COL23A1: variants seen among roughly 807,000 people sequenced by gnomAD.
COL23A1 encodes the protein collagen type XXIII alpha 1 chain, also known as collagen alpha-1(XXIII) chain.
Under a neutral mutation model 99.3 loss-of-function variants are expected in COL23A1, and 97 were observed. That is an observed-to-expected ratio of 0.98 (90% CI 0.83 to 1.16). COL23A1 has a LOEUF of 1.16. COL23A1 is among the 50% of genes most tolerant of loss of function. COL23A1 has a pLI of 0.00. For missense variants in COL23A1, 762 were observed against 757.4 expected (o/e 1.01, Z -0.07); for synonymous variants, 320 against 308.2 (o/e 1.04, Z -0.40).
intron 2 of COL23A1, among the ~76,000 whole-genome samples, chr5:178,400,889 C>T (rs1261057107): frequency 1.3e-5 from 2 of 152,190 alleles, no homozygotes; most frequent in Non-Finnish European, 2.9e-5. Context: ...CCACTGGCCT[C>T]GGCCTCCCAA....
At chr5:178,460,559 GCT>G (rs903884785) in intron 2 of COL23A1, among the ~76,000 whole-genome samples, 8 of 152,206 alleles carry the variant, frequency 5.3e-5, no homozygotes, top group African/African-American at 1.9e-4. Flanking sequence ...TCCTGGTGTG[GCT>G]CTCTCCTCTT....
chr5:178,360,026 C>T (rs952132725), intron 2 of COL23A1, among the ~76,000 whole-genome samples: 1 of 152,142 alleles, frequency 6.6e-6, no homozygotes, highest in South Asian at 2.1e-4. Context: ...AGCAGCCGCT[C>T]GCATCATAGG....
chr5:178,373,024 G>T (rs894819666), intron 2 of COL23A1, among the ~76,000 whole-genome samples: 6 of 149,618 alleles, frequency 4.0e-5, no homozygotes, highest in African/African-American at 1.2e-4. Context: ...CATCTCCCAG[G>T]TTCAAGCGAT....
intron 2 of COL23A1, among the ~76,000 whole-genome samples, chr5:178,437,585 A>G (rs1476762784): frequency 6.6e-6 from 1 of 152,172 alleles, no homozygotes; most frequent in Non-Finnish European, 1.5e-5. Context: ...TGGCCTGCCC[A>G]GGGGTCAGTC....
At chr5:178,435,285 C>A (rs1303700691) in intron 2 of COL23A1, among the ~76,000 whole-genome samples, 1 of 152,186 alleles carries the variant, frequency 6.6e-6, no homozygotes, top group African/African-American at 2.4e-5. Flanking sequence ...TCATTCCCAG[C>A]TGAACGGGAC....
At chr5:178,457,798 A>G (rs574361313) in intron 2 of COL23A1, among the ~76,000 whole-genome samples, 1 of 152,354 alleles carries the variant, frequency 6.6e-6, no homozygotes, top group African/African-American at 2.4e-5. Context: ...CAGGATTTTC[A>G]GCCAGAGTAA....
At chr5:178,294,917 G>A (rs566172874) in intron 3 of COL23A1, among the ~76,000 whole-genome samples, 12 of 152,270 alleles carry the variant, frequency 7.9e-5, no homozygotes, top group East Asian at 7.7e-4. Flanking sequence ...CGAGGCAGGC[G>A]GATCACTTGA....
intron 2 of COL23A1, among the ~76,000 whole-genome samples, chr5:178,471,880 C>A (rs971534812): frequency 1.3e-5 from 2 of 152,292 alleles, no homozygotes; most frequent in Non-Finnish European, 1.5e-5. Flanking sequence ...CCTTCCACCC[C>A]CTGACTGACT....
intron 5 of COL23A1, 112 bp from the exon 6 acceptor site, chr5:178,270,475 C>T (rs1756226079): frequency 7.5e-7 from 1 of 1,330,612 alleles, no homozygotes; most frequent in Non-Finnish European, 1.1e-6. Flanking sequence ...TGTGGGAGCC[C>T]CGCGTCTGGG....
rs759682466 is a variant in COL23A1 at position 178,263,248 on chromosome 5, T to C, written c.599A>G (p.Asp200Gly). ...TCCCCTGGGGCCATCTTTCCCAGTG[T>C]CGCCAGGAGGGCCCCGGGCCCCAGG... ...GPPGARGPPG[D>G]TGKDGPRGAQ... The change falls in exon 9 of 29, where the codon GAC becomes GGC. Residue 200 changes from aspartate (D) to glycine (G), a missense_variant. Physicochemically the swap from Asp to Gly is moderately conservative, Grantham distance 94 (BLOSUM62 -1). Coordinates refer to ENST00000390654, the MANE Select transcript of COL23A1 (RefSeq NM_173465.4). 6.2e-7 allele frequency: 1 copy of C among 1,613,610 alleles called. No homozygotes were observed. Among genetic ancestry groups the C allele is most frequent in the Admixed American group, 1.7e-5 (1 of 60,010 alleles).
At chr5:178,569,206 T>C (rs1033285137) in intron 1 of COL23A1, among the ~76,000 whole-genome samples, 4 of 152,238 alleles carry the variant, frequency 2.6e-5, no homozygotes, top group Non-Finnish European at 5.9e-5. Context: ...TTTGAAGAAA[T>C]GTCTGTGCAA....
chr5:178,378,403 T>A (rs1295475488), intron 2 of COL23A1, among the ~76,000 whole-genome samples: 1 of 151,748 alleles, frequency 6.6e-6, no homozygotes, highest in Non-Finnish European at 1.5e-5. Flanking sequence ...ACGATACCGG[T>A]ATGGGACCTG....
chr5:178,410,655 A>C (rs1765012018), intron 2 of COL23A1, among the ~76,000 whole-genome samples: 1 of 152,228 alleles, frequency 6.6e-6, no homozygotes, highest in African/African-American at 2.4e-5. Flanking sequence ...TAACATCTGT[A>C]ACTACAAAAT....
At chr5:178,585,745 A>AACACTCCACGT (rs1371181299) in intron 1 of COL23A1, among the ~76,000 whole-genome samples, 11 of 5,478 alleles carry the variant, frequency 2.0e-3, no homozygotes, top group South Asian at 9.7e-3. Context: ...GCCCTGGCTG[A>AACACTCCACGT]CCCTGTTGGT....
chr5:178,561,926 C>T (rs761144236), intron 1 of COL23A1: 9 of 345,188 alleles, frequency 2.6e-5, no homozygotes, highest in Non-Finnish European at 5.2e-5. Context: ...ACCGGAAAGG[C>T]GCTTCACAGT....
intron 2 of COL23A1, among the ~76,000 whole-genome samples, chr5:178,474,205 T>G (rs1378298281): frequency 6.6e-6 from 1 of 152,370 alleles, no homozygotes; most frequent in East Asian, 1.9e-4. Context: ...TTCATCAGAC[T>G]CTCAAAGGAG....
At chr5:178,256,465 C>T (rs1581463417) in intron 14 of COL23A1, 68 bp from the exon 15 acceptor site, 1 of 1,429,006 alleles carries the variant, frequency 7.0e-7, no homozygotes, top group Non-Finnish European at 9.5e-7. Flanking sequence ...CACGACCCTG[C>T]CCCCAGTCCC....
At chr5:178,356,403 G>T (rs151319382) in intron 2 of COL23A1, among the ~76,000 whole-genome samples, 4 of 152,158 alleles carry the variant, frequency 2.6e-5, no homozygotes, top group South Asian at 2.1e-4. Context: ...CGCAGCACAG[G>T]GGGTAAAGCA....
chr5:178,502,873 C>T (rs1275019952), intron 2 of COL23A1, among the ~76,000 whole-genome samples: 1 of 152,212 alleles, frequency 6.6e-6, no homozygotes, highest in Non-Finnish European at 1.5e-5. Flanking sequence ...ATCACGCCCA[C>T]ACGCCCCTGA....
Sources: allele counts gnomAD v4.1 joint callset (sites outside exome capture counted in the v4.1 genomes callset), GRCh38; gene constraint gnomAD v4.1.1; transcripts MANE v1.5; gene names NCBI Gene and HGNC (gene_info 2026-07-23, HGNC 2026-07-21).